SH3KBP1: variants seen among roughly 807,000 people sequenced by gnomAD.
SH3KBP1 encodes SH3 domain containing kinase binding protein 1.
In SH3KBP1, 8 loss-of-function variants were observed where a neutral mutation model predicts 50.1. That is an observed-to-expected ratio of 0.16 (90% CI 0.09 to 0.29). The LOEUF is 0.29. Among genes scored for constraint, SH3KBP1 ranks in the 10% least tolerant of loss-of-function variants. The probability of loss-of-function intolerance (pLI) is 1.00; values close to 1 mark genes in which losing one functional copy is unlikely to be tolerated. For missense variants in SH3KBP1, 377 were observed against 535.2 expected, an observed-to-expected ratio of 0.70 and a Z score of 2.92; for synonymous variants, 227 against 218.6, an observed-to-expected ratio of 1.04 and a Z score of -0.34.
chrX:19,722,809 A>T (rs758895655), intron 3 of SH3KBP1, among the ~76,000 whole-genome samples: 1 of 100,999 alleles, frequency 9.9e-6, no homozygotes, highest in South Asian at 4.2e-4. Flanking sequence ...GAGGCATCTG[A>T]CCAGTTCTTC....
At chrX:19,787,064 T>C (rs988796518) in intron 2 of SH3KBP1, among the ~76,000 whole-genome samples, 1 of 112,005 alleles carries the variant, frequency 8.9e-6, no homozygotes, top group African/African-American at 3.2e-5. Flanking sequence ...GTTAATATTG[T>C]CTTGAGCTGG....
intron 1 of SH3KBP1, among the ~76,000 whole-genome samples, chrX:19,838,886 C>CAAAAAAAAAAAA (rs1187740894): frequency 6.7e-5 from 2 of 30,068 alleles, no homozygotes; most frequent in East Asian, 9.0e-4. Context: ...AACTTTGTCT[C>CAAAAAAAAAAAA]AAAAAAAAAA....
chrX:19,775,758 A>G (rs983118530), intron 2 of SH3KBP1, among the ~76,000 whole-genome samples: 25 of 111,572 alleles, frequency 2.2e-4, no homozygotes, highest in Non-Finnish European at 4.0e-4. Flanking sequence ...CATGCTTCTT[A>G]ATGAGCCAAA....
At chrX:19,733,687 A>G (rs2064447124) in intron 3 of SH3KBP1, among the ~76,000 whole-genome samples, 1 of 111,159 alleles carries the variant, frequency 9.0e-6, no homozygotes, top group Admixed American at 9.6e-5. Flanking sequence ...ATTTCTGTGC[A>G]TCAAAATCAA....
intron 2 of SH3KBP1, among the ~76,000 whole-genome samples, chrX:19,826,452 G>T (rs1231741370): frequency 9.1e-6 from 1 of 110,205 alleles, no homozygotes; most frequent in Admixed American, 9.8e-5. Flanking sequence ...AGGCCAAAGC[G>T]AAAGGATCAC....
intron 12 of SH3KBP1, chrX:19,588,377 T>C: frequency 1.8e-6 from 2 of 1,091,355 alleles, no homozygotes; most frequent in East Asian, 3.4e-5. Flanking sequence ...AACCCCTGTG[T>C]GTGAGCAGGG....
chrX:19,654,568 C>T (rs746957107), intron 6 of SH3KBP1, among the ~76,000 whole-genome samples: 2 of 111,882 alleles, frequency 1.8e-5, no homozygotes, highest in African/African-American at 6.5e-5. Context: ...AGAGGATGAA[C>T]GAGCCAGAGT....
chrX:19,619,613 C>T (rs1029327609), intron 8 of SH3KBP1, among the ~76,000 whole-genome samples: 1 of 110,973 alleles, frequency 9.0e-6, no homozygotes, highest in African/African-American at 3.3e-5. Flanking sequence ...TAAACCCCAG[C>T]TCCACTAAAA....
At chrX:19,644,897 C>T (rs2061955245) in intron 7 of SH3KBP1, among the ~76,000 whole-genome samples, 2 of 111,503 alleles carry the variant, frequency 1.8e-5, no homozygotes, top group Non-Finnish European at 3.8e-5. Context: ...TAGCCTAATC[C>T]TTCCAAAAAG....
At chrX:19,722,340 TGACACCTGCCACA>T (rs1358353514) in intron 3 of SH3KBP1, among the ~76,000 whole-genome samples, 20 of 112,067 alleles carry the variant, frequency 1.8e-4, no homozygotes. Flanking sequence ...ATTTGCAGGC[TGACACCTGCCACA>T]GCCTCATTAC....
intron 1 of SH3KBP1, among the ~76,000 whole-genome samples, chrX:19,864,653 C>A (rs1227712794): frequency 8.9e-6 from 1 of 111,949 alleles, no homozygotes; most frequent in Non-Finnish European, 1.9e-5. Context: ...AGGAATGCAG[C>A]CCAGTCAGCA....
At chrX:19,816,468 A>G (rs2067358002) in intron 2 of SH3KBP1, among the ~76,000 whole-genome samples, 1 of 111,707 alleles carries the variant, frequency 9.0e-6, no homozygotes, top group Non-Finnish European at 1.9e-5. Context: ...CTATCTTTTC[A>G]TCCTCTTCAC....
chrX:19,866,345 G>A (rs1310436228), intron 1 of SH3KBP1, among the ~76,000 whole-genome samples: 1 of 111,764 alleles, frequency 8.9e-6, no homozygotes, highest in African/African-American at 3.3e-5. Context: ...CCTGAAGACA[G>A]GGCACGCGCT....
intron 8 of SH3KBP1, among the ~76,000 whole-genome samples, chrX:19,609,605 CACG>C (rs2067348618): frequency 1.8e-5 from 2 of 111,921 alleles, no homozygotes; most frequent in Admixed American, 1.9e-4. Context: ...CCATGGTCTC[CACG>C]ACACCAGTGG....
chrX:19,810,398 A>G (rs1366750119), intron 2 of SH3KBP1, among the ~76,000 whole-genome samples: 1 of 112,732 alleles, frequency 8.9e-6, no homozygotes, highest in African/African-American at 3.2e-5. Flanking sequence ...TAATGAGACT[A>G]AAATGGGCTG....
intron 7 of SH3KBP1, among the ~76,000 whole-genome samples, chrX:19,635,568 G>T (rs932269566): frequency 9.2e-6 from 1 of 109,059 alleles, no homozygotes; most frequent in Non-Finnish European, 1.9e-5. Context: ...AAAATACTAC[G>T]TTGCATTGGA....
intron 8 of SH3KBP1, among the ~76,000 whole-genome samples, chrX:19,618,229 CA>C (rs1446768346): frequency 9.1e-6 from 1 of 109,400 alleles, no homozygotes; most frequent in African/African-American, 3.3e-5. Context: ...ACTAAAAATA[CA>C]AAAATTAGCC....
chrX:19,659,854 T>C (rs1202767061), intron 6 of SH3KBP1, among the ~76,000 whole-genome samples: 1 of 112,766 alleles, frequency 8.9e-6, no homozygotes, highest in Non-Finnish European at 1.9e-5. Flanking sequence ...GTCTTATATT[T>C]ACGGCTGCTT....
chrX:19,661,316 G>A (rs2062443832), intron 6 of SH3KBP1, among the ~76,000 whole-genome samples: 1 of 111,712 alleles, frequency 9.0e-6, no homozygotes, highest in Admixed American at 9.5e-5. Context: ...CCTTAAAACT[G>A]AGCATTACAC....
Sources: allele counts gnomAD v4.1 joint callset (sites outside exome capture counted in the v4.1 genomes callset), GRCh38; gene constraint gnomAD v4.1.1; transcripts MANE v1.5; gene names NCBI Gene and HGNC (gene_info 2026-07-23, HGNC 2026-07-21).